AMPD3: variants seen among roughly 807,000 people sequenced by gnomAD.
AMPD3 encodes AMP deaminase 3.
A neutral mutation model predicts 82.3 loss-of-function variants in AMPD3; 57 were observed. That is an observed-to-expected ratio of 0.69 (90% CI 0.56 to 0.86). The LOEUF (loss-of-function observed/expected upper bound fraction) is 0.86. Among genes scored for constraint, AMPD3 ranks in the 40% least tolerant of loss-of-function variants. AMPD3 has a pLI of 0.00. For missense variants in AMPD3, 870 were observed against 1,003.8 expected (o/e 0.87, Z 1.80); for synonymous variants, 381 against 394.7 (o/e 0.97, Z 0.41).
chr11:10,490,867 C>T (rs1451009636), intron 6 of AMPD3, among the ~76,000 whole-genome samples: 1 of 152,278 alleles, frequency 6.6e-6, no homozygotes, highest in African/African-American at 2.4e-5. Flanking sequence ...CTCTGAGGAG[C>T]CTGGGCTTTG....
At position 10,456,482 on chromosome 11, in the gene AMPD3, G is replaced by C; in HGVS notation, c.-6+1034G>C. ...TTCGTATAACGAGGGGATTTCAGTGGCACTGGGCTTCCTTTCTGGAGGGAC... is the reference window on the plus strand; with the variant it reads ...TTCGTATAACGAGGGGATTTCAGTGCCACTGGGCTTCCTTTCTGGAGGGAC... On this transcript the variant is annotated intron_variant, in intron 1 of 14. Transcript: ENST00000396553. The surrounding 1 kb of genome is among the most constrained non-coding windows in gnomAD (Gnocchi z 4.3). 7.4e-6 allele frequency: 12 copies of C among 1,613,534 alleles called. No individual in the cohort carries two copies. In the South Asian group the frequency reaches 9.9e-5, roughly 13 times the overall value.
intron 11 of AMPD3, chr11:10,500,740 G>T (rs1368948724): frequency 1.1e-5 from 11 of 985,402 alleles, no homozygotes; most frequent in Non-Finnish European, 1.3e-5. Flanking sequence ...AAATAACGGG[G>T]AACAAAACAG....
intron 1 of AMPD3, among the ~76,000 whole-genome samples, chr11:10,460,409 CT>C (rs34448488): frequency 0.47 from 66,962 of 142,114 alleles, 15,906 homozygotes; most frequent in East Asian, 0.8. Context: ...CCAGAGTATA[CT>C]TTTTTTTTTT....
At chr11:10,478,321 T>C in intron 2 of AMPD3, 1 of 985,426 alleles carries the variant, frequency 1.0e-6, no homozygotes, top group South Asian at 4.7e-5. Context: ...TGACCACAGG[T>C]AGGGGTGTCT....
intron 7 of AMPD3, chr11:10,494,638 T>C (rs540943180): frequency 3.7e-5 from 36 of 985,336 alleles, no homozygotes; most frequent in South Asian, 4.7e-5. Flanking sequence ...AAGTCAGCCA[T>C]GTCCTGAGCC....
intron 2 of AMPD3, among the ~76,000 whole-genome samples, chr11:10,463,187 A>G (rs535258994): frequency 3.9e-5 from 6 of 152,306 alleles, no homozygotes; most frequent in African/African-American, 1.4e-4. Context: ...TTTAAAGGCA[A>G]GTCTTTTCCT....
At position 10,482,187 on chromosome 11, in the gene AMPD3, C is replaced by A; in HGVS notation, c.551C>A (p.Pro184Gln). 11 of 1,613,492 alleles carry A rather than the reference C, an allele frequency of 6.8e-6. No individual in the cohort carries two copies. Among genetic ancestry groups the A allele is most frequent in the Non-Finnish European group, 8.5e-6 (10 of 1,179,954 alleles). ...PRITSQYLGH[P>Q]RADTAPPEEG... ...ATCACATCCCAGTACCTGGGTCATC[C>A]GCGGGCGGATACTGCACCTCCGGAA... Residue 184 changes from proline (P) to glutamine (Q), a missense_variant, in exon 4 of 15, where the codon CCG becomes CAG. By Grantham distance (76) the Pro-to-Gln change is moderately conservative. Coordinates refer to ENST00000396553, the MANE Select transcript of AMPD3 (RefSeq NM_001025389.2).
chr11:10,450,586 C>T (rs1847934963), upstream of AMPD3: 1 of 988,274 alleles, frequency 1.0e-6, no homozygotes, highest in Non-Finnish European at 1.2e-6. Flanking sequence ...CTGGGGAGCC[C>T]GGCTGGCATC....
intron 2 of AMPD3, among the ~76,000 whole-genome samples, chr11:10,466,270 A>C (rs1352574988): frequency 6.6e-6 from 1 of 152,030 alleles, no homozygotes; most frequent in Non-Finnish European, 1.5e-5. Flanking sequence ...TCAAAGAAAA[A>C]AAAAAAAGAT....
chr11:10,488,412 TGGCATTCCAGGTAGA>T, intron 6 of AMPD3: 2 of 985,276 alleles, frequency 2.0e-6, no homozygotes, highest in South Asian at 9.4e-5. Flanking sequence ...ATGGAAGTGG[TGGCATTCCAGGTAGA>T]GGCACGTGAT....
Position 10,478,746 on chromosome 11 carries a change from G to C in AMPD3, c.426+16G>C, listed in dbSNP as rs80026347. On this transcript the variant is annotated intron_variant, in intron 3 of 14. Coordinates refer to ENST00000396553, the MANE Select transcript of AMPD3 (RefSeq NM_001025389.2). The stretch of plus-strand genomic sequence containing the variant: ...CTGTGCCGGGGTAAGGCGTCTGTGA[G>C]AGTGTTGAATGTGCCTTGCATGCAA... The C allele has an allele frequency of 3.3e-3, 5,248 of 1,608,268 alleles. 157 individuals are homozygous for C. In the African/African-American group the frequency reaches 0.062, roughly 19 times the overall value.
chr11:10,459,153 T>C (rs1188376346), intron 1 of AMPD3, among the ~76,000 whole-genome samples: 1 of 152,146 alleles, frequency 6.6e-6, no homozygotes, highest in Non-Finnish European at 1.5e-5. Flanking sequence ...TGATGTCTGC[T>C]CCCCAGACAG....
At chr11:10,495,760 C>A in intron 9 of AMPD3, 27 bp downstream of exon 9, 2 of 1,613,526 alleles carry the variant, frequency 1.2e-6, no homozygotes, top group Non-Finnish European at 1.7e-6. Context: ...GCTGTCTACC[C>A]TGTGCCCTAC....
At chr11:10,493,909 A>T (rs1479634867) in intron 7 of AMPD3, among the ~76,000 whole-genome samples, 9 of 152,364 alleles carry the variant, frequency 5.9e-5, no homozygotes, top group Middle Eastern at 3.4e-3. Context: ...TGTAACTGCT[A>T]TGGAAAACAG....
At chr11:10,454,383 A>C (rs756239596), upstream of AMPD3, among the ~76,000 whole-genome samples, 2 of 152,204 alleles carry the variant, frequency 1.3e-5, no homozygotes, top group African/African-American at 4.8e-5. Flanking sequence ...TGAAGACTCA[A>C]GGTGGAGGGT....
Position 10,456,209 on chromosome 11 carries a change from A to G in AMPD3, c.-6+761A>G. 8 of 1,445,286 alleles carry G rather than the reference A, an allele frequency of 5.5e-6. No individual in the cohort carries two copies. The South Asian group carries it at 1.2e-4, about 22-fold the overall frequency. 89.5% of individuals were successfully genotyped at this position (1,445,286 alleles called of 1,614,324 possible). On this transcript the variant is annotated intron_variant, in intron 1 of 14. Transcript: ENST00000396553. This position sits in a 1 kb window ranked among gnomAD's most constrained non-coding sequence, Gnocchi z 4.3. ...ATATTCACGAGAGAATTTCCAGCCCAGGCTTTTCCTGCTCTGGCTCACTGC... is the reference window on the plus strand; with the variant it reads ...ATATTCACGAGAGAATTTCCAGCCCGGGCTTTTCCTGCTCTGGCTCACTGC...
intron 1 of AMPD3, among the ~76,000 whole-genome samples, chr11:10,459,683 T>C (rs1046896992): frequency 6.6e-6 from 1 of 152,064 alleles, no homozygotes; most frequent in South Asian, 2.1e-4. Flanking sequence ...GGGTGGCTTG[T>C]CGAAAAGGGT....
chr11:10,501,929 C>T (rs7932321), intron 12 of AMPD3: 889,829 of 985,078 alleles, frequency 0.9, 402,359 homozygotes, highest in Admixed American at 0.92. Context: ...GTTCCTGCCT[C>T]GTCCCTTACT....
chr11:10,495,443 A>G, intron 8 of AMPD3, 127 bp from the exon 9 acceptor site: 4 of 1,567,168 alleles, frequency 2.6e-6, no homozygotes, highest in South Asian at 1.2e-5. Flanking sequence ...CTGGGGATTT[A>G]GATGAGTGCT....
Sources: gnomAD v4.1 joint callset for allele counts (sites outside exome capture counted in the v4.1 genomes callset) on GRCh38, gnomAD v4.1.1 for gene constraint, Gnocchi (gnomAD v3.1) non-coding constraint, MANE v1.5 for transcripts, NCBI Gene and HGNC (gene_info 2026-07-23, HGNC 2026-07-21) for gene names.